FCHSD2: variants seen among roughly 807,000 people sequenced by gnomAD.
FCHSD2 encodes the protein F-BAR and double SH3 domains protein 2.
In FCHSD2, 38 loss-of-function variants were observed where a neutral mutation model predicts 108.1. The ratio of observed to expected loss-of-function variants is 0.35; its 90% CI spans 0.27 to 0.46. The LOEUF (loss-of-function observed/expected upper bound fraction) is 0.46. Among genes scored for constraint, FCHSD2 ranks in the 20% least tolerant of loss-of-function variants. The probability of loss-of-function intolerance (pLI) is 1.00; values close to 1 mark genes in which losing one functional copy is unlikely to be tolerated. For missense variants in FCHSD2, 751 were observed against 897.8 expected, an observed-to-expected ratio of 0.84 and a Z score of 2.09; for synonymous variants, 279 against 314.7, an observed-to-expected ratio of 0.89 and a Z score of 1.20.
intron 2 of FCHSD2, among the ~76,000 whole-genome samples, chr11:73,137,272 G>T (rs1258470432): frequency 6.6e-6 from 1 of 151,658 alleles, no homozygotes; most frequent in African/African-American, 2.4e-5. Context: ...AACTCTATGG[G>T]AATGAAAGGA....
At chr11:73,021,827 A>C (rs1858115898) in intron 3 of FCHSD2, among the ~76,000 whole-genome samples, 1 of 152,126 alleles carries the variant, frequency 6.6e-6, no homozygotes, top group Non-Finnish European at 1.5e-5. Context: ...GGTGGCTCAC[A>C]CCTGTAATCC....
intron 3 of FCHSD2, among the ~76,000 whole-genome samples, chr11:73,055,468 C>T (rs1859003615): frequency 6.6e-6 from 1 of 152,084 alleles, no homozygotes; most frequent in Admixed American, 6.6e-5. Flanking sequence ...TATACAATGA[C>T]CATCCAATAA....
intron 12 of FCHSD2, among the ~76,000 whole-genome samples, chr11:72,879,993 C>A (rs1173237580): frequency 5.6e-5 from 5 of 88,656 alleles, no homozygotes; most frequent in Admixed American, 1.5e-4. Flanking sequence ...GAGTGAAATT[C>A]TGTCTCAAAA....
chr11:73,115,328 T>C (rs951809678), intron 2 of FCHSD2, among the ~76,000 whole-genome samples: 8 of 152,168 alleles, frequency 5.3e-5, no homozygotes, highest in Non-Finnish European at 7.3e-5. Context: ...TTCAAGACTC[T>C]CTTTCCTACC....
At chr11:72,993,984 G>A (rs1374918158) in intron 5 of FCHSD2, among the ~76,000 whole-genome samples, 1 of 152,140 alleles carries the variant, frequency 6.6e-6, no homozygotes, top group African/African-American at 2.4e-5. Flanking sequence ...ATCCGGACAT[G>A]TCCCTTACAG....
intron 13 of FCHSD2, among the ~76,000 whole-genome samples, chr11:72,850,747 G>A (rs751010128): frequency 5.3e-5 from 8 of 151,930 alleles, no homozygotes; most frequent in Non-Finnish European, 8.8e-5. Context: ...GTTAAGTACT[G>A]ACTGACAAGG....
chr11:72,941,003 G>A (rs940067284), intron 8 of FCHSD2: 11 of 742,746 alleles, frequency 1.5e-5, no homozygotes, highest in South Asian at 8.1e-5. Context: ...TCTACAGGCC[G>A]AAAGAGCCAT....
At chr11:73,041,129 G>C (rs1858626624) in intron 3 of FCHSD2, among the ~76,000 whole-genome samples, 1 of 152,094 alleles carries the variant, frequency 6.6e-6, no homozygotes. Context: ...CCATTCATCT[G>C]TTGATGGACA....
intron 13 of FCHSD2, among the ~76,000 whole-genome samples, chr11:72,860,230 T>C (rs10898885): frequency 0.66 from 100,856 of 152,042 alleles, 35,401 homozygotes; most frequent in South Asian, 0.85. Flanking sequence ...CATGGACCGG[T>C]AAAAGGTTCG....
rs35979371 is a variant in FCHSD2 at position 73,113,353 on chromosome 11, C to CTTTTTT, written c.119+26672_119+26677dup. Among the ~76,000 whole-genome samples the CTTTTTT allele has an allele frequency of 1.7e-4, 5 of 29,916 alleles. 1 individual carries two copies. The highest frequency in any genetic ancestry group is 1.1e-3 in the Admixed American group (2 of 1,872). The allele number at this position is 29,916 out of a possible 152,430, so 19.6% of individuals were successfully genotyped here. ...TGATCATCATGCTTCCCAAGATGGTCTTTTTTTTTTTTTTTTTTTTTTTTT... is the reference window on the plus strand; with the variant it reads ...TGATCATCATGCTTCCCAAGATGGTCTTTTTTTTTTTTTTTTTTTTTTTTTTTTTTT... On this transcript the variant is annotated intron_variant, in intron 2 of 19. Transcript: ENST00000409418.
intron 2 of FCHSD2, among the ~76,000 whole-genome samples, chr11:73,093,849 C>T (rs1253656505): frequency 1.3e-5 from 2 of 152,112 alleles, no homozygotes; most frequent in African/African-American, 4.8e-5. Context: ...AGGTGATCTG[C>T]CCACCTCGGC....
At chr11:73,009,715 T>C (rs1321069161) in intron 4 of FCHSD2, among the ~76,000 whole-genome samples, 1 of 151,956 alleles carries the variant, frequency 6.6e-6, no homozygotes, top group Admixed American at 6.6e-5. Flanking sequence ...ACTTTGAATA[T>C]ATCATACCAT....
intron 12 of FCHSD2, among the ~76,000 whole-genome samples, chr11:72,872,615 GTA>G (rs1854885404): frequency 6.6e-6 from 1 of 152,164 alleles, no homozygotes; most frequent in Admixed American, 6.5e-5. Context: ...GTTGTAACAT[GTA>G]TCAGTATTTC....
At chr11:73,114,247 T>C (rs1255769606) in intron 2 of FCHSD2, among the ~76,000 whole-genome samples, 2 of 152,008 alleles carry the variant, frequency 1.3e-5, no homozygotes, top group African/African-American at 2.4e-5. Flanking sequence ...GCAAGGCTAC[T>C]GCCAATGTTC....
intron 14 of FCHSD2, among the ~76,000 whole-genome samples, chr11:72,848,913 G>A (rs1321050265): frequency 1.3e-5 from 2 of 152,112 alleles, no homozygotes; most frequent in Non-Finnish European, 2.9e-5. Flanking sequence ...ATTTTCAAAA[G>A]ATTATCAAAA....
intron 4 of FCHSD2, among the ~76,000 whole-genome samples, chr11:73,002,049 T>C (rs938109359): frequency 1.3e-5 from 2 of 152,184 alleles, no homozygotes; most frequent in African/African-American, 4.8e-5. Flanking sequence ...TGATAGATTA[T>C]AATATTCATC....
At chr11:73,095,684 T>C (rs925341911) in intron 2 of FCHSD2, among the ~76,000 whole-genome samples, 1 of 152,122 alleles carries the variant, frequency 6.6e-6, no homozygotes, top group African/African-American at 2.4e-5. Flanking sequence ...CCTGAGGTAG[T>C]AAACTTAAAT....
chr11:73,047,768 C>T (rs1420183958), intron 3 of FCHSD2, among the ~76,000 whole-genome samples: 1 of 152,122 alleles, frequency 6.6e-6, no homozygotes, highest in East Asian at 1.9e-4. Flanking sequence ...AATGTATTGA[C>T]TTTTTTATAA....
chr11:73,043,886 C>A (rs1858697415), intron 3 of FCHSD2, among the ~76,000 whole-genome samples: 1 of 152,128 alleles, frequency 6.6e-6, no homozygotes, highest in Admixed American at 6.6e-5. Flanking sequence ...GGAGCCTGGA[C>A]TAAAGGATCT....
Sources: allele counts gnomAD v4.1 joint callset (sites outside exome capture counted in the v4.1 genomes callset), GRCh38; gene constraint gnomAD v4.1.1; transcripts MANE v1.5; gene names NCBI Gene and HGNC (gene_info 2026-07-23, HGNC 2026-07-21).